KCNB2: variants seen among roughly 807,000 people sequenced by gnomAD.
KCNB2 encodes delayed rectifier potassium channel protein.
In KCNB2, 15 loss-of-function variants were observed where a neutral mutation model predicts 61.5. The observed-to-expected ratio is 0.24, with a 90% confidence interval of 0.16 to 0.38. The LOEUF (loss-of-function observed/expected upper bound fraction) is 0.38, where lower values mean the gene tolerates loss of function less well. Ranked by LOEUF, KCNB2 falls within the 10% of genes least tolerant of loss-of-function variation. KCNB2 has a pLI of 1.00. For missense variants in KCNB2, 828 were observed against 1,125.2 expected, an observed-to-expected ratio of 0.74 and a Z score of 3.78; for synonymous variants, 457 against 446.0, an observed-to-expected ratio of 1.02 and a Z score of -0.31.
intron 2 of KCNB2, among the ~76,000 whole-genome samples, chr8:72,769,363 T>G (rs957880949): frequency 6.6e-6 from 1 of 152,132 alleles, no homozygotes; most frequent in African/African-American, 2.4e-5. Context: ...GATTCTAGGC[T>G]AGAAAGGTGA....
intron 2 of KCNB2, among the ~76,000 whole-genome samples, chr8:72,889,707 A>C (rs1046235251): frequency 6.6e-6 from 1 of 152,134 alleles, no homozygotes; most frequent in African/African-American, 2.4e-5. Flanking sequence ...GAACACATGC[A>C]CTTGAACAAT....
chr8:72,650,083 T>C (rs953563224), intron 2 of KCNB2, among the ~76,000 whole-genome samples: 1 of 152,186 alleles, frequency 6.6e-6, no homozygotes, highest in Non-Finnish European at 1.5e-5. Flanking sequence ...AAGACAATTA[T>C]ACAGAGAAGC....
At chr8:72,859,513 T>C (rs1226105611) in intron 2 of KCNB2, among the ~76,000 whole-genome samples, 1 of 151,924 alleles carries the variant, frequency 6.6e-6, no homozygotes, top group Non-Finnish European at 1.5e-5. Context: ...GCCATCACCT[T>C]GTCATCCCAC....
chr8:72,561,719 ATATATATATCTATATC>A (rs1402763436), intron 1 of KCNB2, among the ~76,000 whole-genome samples: 459 of 24,086 alleles, frequency 0.019, 42 homozygotes, highest in African/African-American at 0.11. Flanking sequence ...ATATATATAT[ATATATATATCTATATC>A]TATATATATA....
At chr8:72,847,980 A>G (rs929784155) in intron 2 of KCNB2, among the ~76,000 whole-genome samples, 4 of 152,122 alleles carry the variant, frequency 2.6e-5, no homozygotes, top group African/African-American at 9.7e-5. Flanking sequence ...CTAAACACTC[A>G]TTCTCCTCAC....
intron 2 of KCNB2, among the ~76,000 whole-genome samples, chr8:72,708,280 G>A (rs1807266742): frequency 6.7e-6 from 1 of 150,012 alleles, no homozygotes; most frequent in Non-Finnish European, 1.5e-5. Flanking sequence ...GGCTTCTTAT[G>A]AGAATTTGTG....
At chr8:72,736,677 A>G (rs1035503695) in intron 2 of KCNB2, among the ~76,000 whole-genome samples, 1 of 152,170 alleles carries the variant, frequency 6.6e-6, no homozygotes, top group Middle Eastern at 3.2e-3. Context: ...CTAACAAGAT[A>G]CAAGGATAAT....
At chr8:72,850,189 AAGTGT>A (rs1218423681) in intron 2 of KCNB2, among the ~76,000 whole-genome samples, 1 of 109,854 alleles carries the variant, frequency 9.1e-6, no homozygotes, top group African/African-American at 3.8e-5. Flanking sequence ...GAGTGTATGT[AAGTGT>A]GTGTGTGTGT....
intron 2 of KCNB2, among the ~76,000 whole-genome samples, chr8:72,808,394 A>T (rs1224044350): frequency 1.3e-5 from 2 of 152,292 alleles, no homozygotes; most frequent in Non-Finnish European, 2.9e-5. Context: ...CTACTAAATG[A>T]TCTGTTTCAT....
Position 72,938,245 on chromosome 8 carries a change from G to T in KCNB2, c.*154G>T. ...ATTTTTGCATGGCATGAACAGTTTA[G>T]CTTAAGTACTGTTTAAATAATGAGT... is the stretch of plus-strand genomic sequence containing the variant. On this transcript the variant is annotated 3_prime_UTR_variant, in exon 3 of 3. Coordinates refer to ENST00000523207, the MANE Select transcript of KCNB2 (RefSeq NM_004770.3). The T allele has an allele frequency of 1.6e-6, 1 of 615,414 alleles. No homozygotes were observed. Among genetic ancestry groups the T allele is most frequent in the East Asian group, 2.8e-5 (1 of 36,062 alleles). 38.1% of individuals were successfully genotyped at this position (615,414 alleles called of 1,614,324 possible). A position where few individuals can be genotyped will look rare whatever the true frequency, so the allele number is the denominator to read the frequency against.
chr8:72,542,886 A>G (rs914652046), intron 1 of KCNB2, among the ~76,000 whole-genome samples: 3 of 152,220 alleles, frequency 2.0e-5, no homozygotes, highest in Non-Finnish European at 4.4e-5. Flanking sequence ...GCCAGTTATT[A>G]GAGACATAAA....
At chr8:72,898,149 A>T (rs1218120228) in intron 2 of KCNB2, among the ~76,000 whole-genome samples, 1 of 152,104 alleles carries the variant, frequency 6.6e-6, no homozygotes, top group African/African-American at 2.4e-5. Context: ...TCTAACAAGG[A>T]CTGACATATA....
chr8:72,660,098 A>G (rs1461567656), intron 2 of KCNB2, among the ~76,000 whole-genome samples: 1 of 152,202 alleles, frequency 6.6e-6, no homozygotes, highest in Non-Finnish European at 1.5e-5. Context: ...TTGTATAATC[A>G]CTTAACAGCA....
intron 2 of KCNB2, among the ~76,000 whole-genome samples, chr8:72,908,644 G>T (rs1285973623): frequency 6.6e-6 from 1 of 152,174 alleles, no homozygotes; most frequent in Admixed American, 6.5e-5. Flanking sequence ...TGGCTAAGGT[G>T]TTTTCACATT....
intron 2 of KCNB2, among the ~76,000 whole-genome samples, chr8:72,584,404 T>C (rs761343219): frequency 6.6e-6 from 1 of 152,170 alleles, no homozygotes; most frequent in Non-Finnish European, 1.5e-5. Flanking sequence ...TTCTCACCTC[T>C]GCTCCTCAGG....
chr8:72,678,013 A>C (rs955118919), intron 2 of KCNB2, among the ~76,000 whole-genome samples: 1 of 152,186 alleles, frequency 6.6e-6, no homozygotes, highest in Non-Finnish European at 1.5e-5. Context: ...AAGCAACTCA[A>C]ATTAAAGCTG....
intron 2 of KCNB2, among the ~76,000 whole-genome samples, chr8:72,823,409 C>T (rs951496388): frequency 1.3e-5 from 2 of 152,136 alleles, no homozygotes; most frequent in Non-Finnish European, 2.9e-5. Context: ...AGTCTGTGCA[C>T]AGACACTGTC....
At chr8:72,696,493 T>TG (rs1268979248) in intron 2 of KCNB2, among the ~76,000 whole-genome samples, 2 of 152,054 alleles carry the variant, frequency 1.3e-5, no homozygotes, top group South Asian at 2.1e-4. Context: ...GAAGTGGTGT[T>TG]GGGGGGTTAT....
intron 1 of KCNB2, among the ~76,000 whole-genome samples, chr8:72,560,483 AG>A (rs1212611876): frequency 6.6e-6 from 1 of 152,180 alleles, no homozygotes; most frequent in Non-Finnish European, 1.5e-5. Context: ...TCCTTTCAGT[AG>A]TACCAGTAGA....
Sources: allele counts gnomAD v4.1 joint callset (sites outside exome capture counted in the v4.1 genomes callset), GRCh38; gene constraint gnomAD v4.1.1; transcripts MANE v1.5; gene names NCBI Gene and HGNC (gene_info 2026-07-23, HGNC 2026-07-21).